Variants in SLC26A7 observed in about 807,000 individuals in gnomAD.
SLC26A7 encodes anion exchange transporter.
A neutral mutation model predicts 82.5 loss-of-function variants in SLC26A7; 59 were observed. That is an observed-to-expected ratio of 0.72 (90% CI 0.58 to 0.89). The LOEUF (loss-of-function observed/expected upper bound fraction) is 0.89, where lower values mean the gene tolerates loss of function less well. SLC26A7 is among the 40% of genes least tolerant of loss of function. SLC26A7 has a pLI of 0.00. For synonymous variants in SLC26A7, 271 were observed against 274.3 expected (o/e 0.99, Z 0.12); for missense variants, 820 against 793.0 (o/e 1.03, Z -0.41).
exon 2 of SLC26A7, chr8:91,218,995 G>A: frequency 6.5e-7 from 1 of 1,536,480 alleles, no homozygotes; most frequent in Non-Finnish European, 8.8e-7. Flanking sequence ...AATTGCTCAG[G>A]TGTAGAACAG....
intron 6 of SLC26A7, among the ~76,000 whole-genome samples, chr8:91,336,140 A>G (rs913349016): frequency 6.6e-6 from 1 of 152,182 alleles, no homozygotes; most frequent in Non-Finnish European, 1.5e-5. Flanking sequence ...AAGTATCCAG[A>G]GTGTGGTTCA....
At chr8:91,306,973 C>T (rs1586388619) in intron 4 of SLC26A7, among the ~76,000 whole-genome samples, 2 of 146,688 alleles carry the variant, frequency 1.4e-5, no homozygotes, top group East Asian at 2.0e-4. Flanking sequence ...ACAACCCCAT[C>T]AAAAAGTGGG....
intron 4 of SLC26A7, among the ~76,000 whole-genome samples, chr8:91,316,988 TAAAAAAAAAAAAAAAAA>T (rs61581659): frequency 3.2e-4 from 5 of 15,504 alleles, no homozygotes; most frequent in African/African-American, 4.6e-4. Flanking sequence ...ACCCTGTCTC[TAAAAAAAAAAAAAAAAA>T]AAAAAAAAAA....
At chr8:91,383,543 C>T (rs181436472) in intron 15 of SLC26A7, among the ~76,000 whole-genome samples, 3 of 152,166 alleles carry the variant, frequency 2.0e-5, no homozygotes, top group African/African-American at 4.8e-5. Flanking sequence ...TGTAGTTGAG[C>T]GCATGATAGA....
At chr8:91,303,102 A>AT (rs1812213161) in intron 4 of SLC26A7, among the ~76,000 whole-genome samples, 1 of 152,144 alleles carries the variant, frequency 6.6e-6, no homozygotes, top group South Asian at 2.1e-4. Flanking sequence ...GGAAAAGACA[A>AT]TTTTTCTAGC....
rs527349364 is a variant in SLC26A7, at chr8:91,376,584, T to G, written c.1675+6751T>G. 3.3e-5 allele frequency among the ~76,000 whole-genome samples: 5 copies of G among 152,310 alleles called. No individual in the cohort carries two copies. In the South Asian group the frequency reaches 1.0e-3, roughly 32 times the overall value. On this transcript the variant is annotated intron_variant, in intron 15 of 18. Coordinates refer to ENST00000276609, the MANE Select transcript of SLC26A7 (RefSeq NM_052832.4). ...GAATGTAAGAGCCAAAACAGTATCTTCTGCAGGGCTGAGGGTGCAGAGATC... is the reference window on the plus strand; with the variant it reads ...GAATGTAAGAGCCAAAACAGTATCTGCTGCAGGGCTGAGGGTGCAGAGATC...
At chr8:91,340,671 G>T (rs764548008) in intron 8 of SLC26A7, 120 bp downstream of exon 8, 14 of 1,197,020 alleles carry the variant, frequency 1.2e-5, no homozygotes, top group Non-Finnish European at 1.4e-5. Flanking sequence ...GCAAGAGTGG[G>T]TTGAACAAAA....
intron 13 of SLC26A7, among the ~76,000 whole-genome samples, chr8:91,365,620 A>C (rs909292459): frequency 3.3e-5 from 5 of 152,252 alleles, no homozygotes; most frequent in Admixed American, 6.5e-5. Flanking sequence ...TGCAAAGTTC[A>C]ATCAGTTTTG....
At position 91,311,603 on chromosome 8, in the gene SLC26A7, G is replaced by T. The variant is rs180728877; in HGVS notation, c.478-6613G>T. On this transcript the variant is annotated intron_variant, in intron 4 of 18. Coordinates refer to ENST00000276609, the MANE Select transcript of SLC26A7 (RefSeq NM_052832.4). ...ACCTCCACCATTTGTAAACCAAGTA[G>T]TATCTGAGACAGTTCTCAATCAATT... Among the ~76,000 whole-genome samples the T allele has an allele frequency of 7.2e-5, 11 of 152,254 alleles. No homozygotes were observed. In the East Asian group the frequency reaches 2.1e-3, roughly 29 times the overall value.
chr8:91,350,349 T>A (rs1813679447), intron 9 of SLC26A7, among the ~76,000 whole-genome samples: 1 of 149,196 alleles, frequency 6.7e-6, no homozygotes, highest in Admixed American at 6.7e-5. Context: ...CCAGGTTTCT[T>A]TTTTTTTTTA....
intron 11 of SLC26A7, among the ~76,000 whole-genome samples, chr8:91,355,143 C>T (rs1222555570): frequency 1.3e-5 from 2 of 152,182 alleles, no homozygotes; most frequent in East Asian, 3.9e-4. Flanking sequence ...AGAGAAATCA[C>T]AGGTCAACGT....
At chr8:91,281,629 G>C (rs531684232) in intron 2 of SLC26A7, among the ~76,000 whole-genome samples, 2 of 152,146 alleles carry the variant, frequency 1.3e-5, no homozygotes, top group Non-Finnish European at 2.9e-5. Flanking sequence ...CATTCTTATA[G>C]GATGTGAAAG....
At chr8:91,308,579 A>G (rs939909410) in intron 4 of SLC26A7, among the ~76,000 whole-genome samples, 3 of 152,144 alleles carry the variant, frequency 2.0e-5, no homozygotes, top group Non-Finnish European at 4.4e-5. Context: ...ATTCTGTGGA[A>G]ATAAGTCATT....
At chr8:91,289,662 AAG>A (rs754870245) in intron 3 of SLC26A7, among the ~76,000 whole-genome samples, 1 of 152,038 alleles carries the variant, frequency 6.6e-6, no homozygotes, top group Non-Finnish European at 1.5e-5. Flanking sequence ...AAAAAAAAGG[AAG>A]GGAAATGTTC....
At chr8:91,255,750 T>C (rs1215845652) in intron 2 of SLC26A7, among the ~76,000 whole-genome samples, 1 of 152,076 alleles carries the variant, frequency 6.6e-6, no homozygotes, top group African/African-American at 2.4e-5. Flanking sequence ...ACAATGATGG[T>C]TTAGATATTA....
intron 2 of SLC26A7, among the ~76,000 whole-genome samples, chr8:91,275,560 A>G (rs567974669): frequency 5.3e-5 from 8 of 152,170 alleles, no homozygotes; most frequent in South Asian, 4.1e-4. Flanking sequence ...TTGGTCTCTC[A>G]AGAGCTGGGA....
intron 15 of SLC26A7, among the ~76,000 whole-genome samples, chr8:91,379,404 G>A (rs1814608286): frequency 6.6e-6 from 1 of 152,062 alleles, no homozygotes; most frequent in African/African-American, 2.4e-5. Flanking sequence ...TGTCCTCTTA[G>A]CATCAAGATG....
intron 5 of SLC26A7, among the ~76,000 whole-genome samples, chr8:91,333,048 G>T (rs556767384): frequency 6.6e-6 from 1 of 151,964 alleles, no homozygotes; most frequent in African/African-American, 2.4e-5. Context: ...ATTGCATTTG[G>T]CTGGTTATTA....
chr8:91,308,170 A>C (rs958200936), intron 4 of SLC26A7, among the ~76,000 whole-genome samples: 7 of 152,080 alleles, frequency 4.6e-5, no homozygotes, highest in African/African-American at 1.2e-4. Context: ...GGTAGTCTAC[A>C]GAATGCCCCT....
Sources: gnomAD v4.1 joint callset for allele counts (sites outside exome capture counted in the v4.1 genomes callset) on GRCh38, gnomAD v4.1.1 for gene constraint, MANE v1.5 for transcripts, NCBI Gene and HGNC (gene_info 2026-07-23, HGNC 2026-07-21) for gene names.